INVS: variants seen among roughly 807,000 people sequenced by gnomAD.
The protein encoded by INVS is inversin, also known as inversion of embryo turning homolog.
A neutral mutation model predicts 108.8 loss-of-function variants in INVS; 86 were observed. The observed-to-expected ratio is 0.79, with a 90% CI of 0.66 to 0.95. INVS has a LOEUF of 0.95. Ranked by LOEUF, INVS falls within the 40% of genes least tolerant of loss-of-function variation. The probability of loss-of-function intolerance (pLI) is 0.00; values close to 1 mark genes in which losing one functional copy is unlikely to be tolerated. For synonymous variants in INVS, 455 were observed against 473.5 expected, an observed-to-expected ratio of 0.96 and a Z score of 0.51; for missense variants, 1,169 against 1,297.4, an observed-to-expected ratio of 0.90 and a Z score of 1.52.
At chr9:100,254,204 T>C (rs1267858209) in intron 10 of INVS, among the ~76,000 whole-genome samples, 1 of 152,256 alleles carries the variant, frequency 6.6e-6, no homozygotes, top group Non-Finnish European at 1.5e-5. Context: ...GTTGGCTGTA[T>C]AAATGTCTTC....
chr9:100,257,965 G>A (rs902341226), intron 10 of INVS, among the ~76,000 whole-genome samples: 1 of 152,134 alleles, frequency 6.6e-6, no homozygotes, highest in Non-Finnish European at 1.5e-5. Flanking sequence ...GCCTTTCTAG[G>A]TTGGGGAAGT....
At chr9:100,203,910 A>G (rs964345419) in intron 3 of INVS, among the ~76,000 whole-genome samples, 2 of 152,184 alleles carry the variant, frequency 1.3e-5, no homozygotes, top group Non-Finnish European at 2.9e-5. Flanking sequence ...TAAGCATTCT[A>G]GAAGCTCTGA....
intron 3 of INVS, among the ~76,000 whole-genome samples, chr9:100,170,570 AAAAAT>A (rs888798432): frequency 8.6e-5 from 13 of 151,754 alleles, no homozygotes; most frequent in African/African-American, 2.2e-4. Context: ...GTCTCAAAAA[AAAAAT>A]AAAATAAAAA....
intron 3 of INVS, among the ~76,000 whole-genome samples, chr9:100,189,015 T>A (rs571724159): frequency 6.6e-6 from 1 of 152,160 alleles, no homozygotes; most frequent in East Asian, 1.9e-4. Context: ...AATGATCTTT[T>A]GTATATCTGT....
At chr9:100,218,436 C>A (rs867868423) in intron 3 of INVS, among the ~76,000 whole-genome samples, 1 of 152,088 alleles carries the variant, frequency 6.6e-6, no homozygotes, top group African/African-American at 2.4e-5. Flanking sequence ...TTAAAGTAAT[C>A]GTCTCAGCTG....
chr9:100,298,171 CT>C, intron 16 of INVS, 161 bp downstream of exon 16: 1 of 1,522,074 alleles, frequency 6.6e-7, no homozygotes, highest in Non-Finnish European at 8.8e-7. Flanking sequence ...ATCTGTCTCC[CT>C]AAGAGGCAAA....
intron 3 of INVS, among the ~76,000 whole-genome samples, chr9:100,179,629 C>T (rs562340600): frequency 6.6e-6 from 1 of 152,006 alleles, no homozygotes; most frequent in Admixed American, 6.6e-5. Flanking sequence ...ACAGAACCAC[C>T]CAGATTCATA....
At chr9:100,182,793 G>T (rs1829933077) in intron 3 of INVS, among the ~76,000 whole-genome samples, 1 of 151,990 alleles carries the variant, frequency 6.6e-6, no homozygotes, top group African/African-American at 2.4e-5. Context: ...ATGCCCAAAG[G>T]ATTATAAATC....
chr9:100,186,214 A>G (rs1415078924), intron 3 of INVS, among the ~76,000 whole-genome samples: 2 of 152,048 alleles, frequency 1.3e-5, no homozygotes, highest in African/African-American at 4.8e-5. Flanking sequence ...CAGTAGCGCA[A>G]TCTCAGCTCA....
chr9:100,293,271 T>G (rs1249788320), intron 14 of INVS, among the ~76,000 whole-genome samples: 1 of 152,134 alleles, frequency 6.6e-6, no homozygotes. Flanking sequence ...CAGGACAGCA[T>G]GGGGTAAAGG....
At chr9:100,129,728 G>C in intron 3 of INVS, 1 of 706,956 alleles carries the variant, frequency 1.4e-6, no homozygotes, top group Non-Finnish European at 2.6e-6. Flanking sequence ...ATCATTCAAA[G>C]AAGAGAAACA....
At chr9:100,174,227 A>G (rs1031225401) in intron 3 of INVS, among the ~76,000 whole-genome samples, 5 of 152,244 alleles carry the variant, frequency 3.3e-5, no homozygotes, top group African/African-American at 9.6e-5. Context: ...TATGTTCGTA[A>G]TGAATAAACA....
intron 2 of INVS, among the ~76,000 whole-genome samples, chr9:100,114,068 A>T (rs1048077968): frequency 6.6e-6 from 1 of 152,216 alleles, no homozygotes; most frequent in Non-Finnish European, 1.5e-5. Flanking sequence ...AGCTGGAGCC[A>T]TGGCATCTTT....
intron 2 of INVS, among the ~76,000 whole-genome samples, chr9:100,115,644 A>C (rs567387486): frequency 3.7e-4 from 56 of 152,322 alleles, no homozygotes; most frequent in Admixed American, 5.9e-4. Flanking sequence ...TTATGGCTGC[A>C]TAGTATTCCA....
chr9:100,165,188 A>C (rs1829323334), intron 3 of INVS, among the ~76,000 whole-genome samples: 1 of 151,976 alleles, frequency 6.6e-6, no homozygotes, highest in African/African-American at 2.4e-5. Flanking sequence ...ACAATGTGTC[A>C]TAGTCATATC....
At chr9:100,219,433 C>A (rs946932526) in intron 3 of INVS, among the ~76,000 whole-genome samples, 1 of 152,086 alleles carries the variant, frequency 6.6e-6, no homozygotes, top group Non-Finnish European at 1.5e-5. Context: ...TATAGCAAGA[C>A]CCCTTCTATT....
At chr9:100,228,483 T>G (rs1418687214) in intron 4 of INVS, among the ~76,000 whole-genome samples, 1 of 152,262 alleles carries the variant, frequency 6.6e-6, no homozygotes, top group Non-Finnish European at 1.5e-5. Context: ...GCATGTATTT[T>G]TTTATAGATA....
chr9:100,287,919 T>A (rs1833494997), intron 13 of INVS, among the ~76,000 whole-genome samples: 1 of 152,148 alleles, frequency 6.6e-6, no homozygotes, highest in African/African-American at 2.4e-5. Context: ...GAACTAGATG[T>A]GGTTCAGGTT....
chr9:100,195,088 TAAAGTC>T (rs1298024600), intron 3 of INVS, among the ~76,000 whole-genome samples: 1 of 152,202 alleles, frequency 6.6e-6, no homozygotes, highest in Admixed American at 6.5e-5. Context: ...CTGCTACAGA[TAAAGTC>T]AAATATTGTG....
Sources: gnomAD v4.1 joint callset for allele counts (sites outside exome capture counted in the v4.1 genomes callset) on GRCh38, gnomAD v4.1.1 for gene constraint, MANE v1.5 for transcripts, NCBI Gene and HGNC (gene_info 2026-07-23, HGNC 2026-07-21) for gene names.